PCDHGA11: variants seen among roughly 807,000 people sequenced by gnomAD.
PCDHGA11 encodes protocadherin gamma subfamily A, 11.
A neutral mutation model predicts 60.4 loss-of-function variants in PCDHGA11; 39 were observed. The ratio of observed to expected loss-of-function variants is 0.65; its 90% CI spans 0.50 to 0.84. The LOEUF is 0.84. PCDHGA11 is among the 40% of genes least tolerant of loss of function. The pLI is 0.00. For missense variants in PCDHGA11, 1,165 were observed against 1,197.7 expected (o/e 0.97, Z 0.40); for synonymous variants, 533 against 510.3 (o/e 1.04, Z -0.60).
chr5:141,423,618 C>CT lies in PCDHGA11; in HGVS notation c.2392dup (p.Ser798PhefsTer9), dbSNP rs1300844043. On this transcript the variant is annotated frameshift_variant, in exon 1 of 4. Coordinates refer to ENST00000398587, the MANE Select transcript of PCDHGA11 (RefSeq NM_018914.3). LOFTEE classifies it high-confidence loss of function. ...GCGAGCCACTCTTGATAGCTGAAGA[C>CT]TCAGCTATCATTTTAGGCAAATGTG... The CT allele has an allele frequency of 1.9e-6, 3 of 1,608,282 alleles. No homozygotes were observed. Among genetic ancestry groups the CT allele is most frequent in the Admixed American group, 1.7e-5 (1 of 59,520 alleles).
chr5:141,438,319 T>C (rs934592523), intron 1 of PCDHGA11, among the ~76,000 whole-genome samples: 1 of 151,982 alleles, frequency 6.6e-6, no homozygotes, highest in African/African-American at 2.4e-5. Flanking sequence ...CACCATAATT[T>C]TTCTTATACA....
chr5:141,438,627 TATATATATACAC>T (rs1324653166), intron 1 of PCDHGA11, among the ~76,000 whole-genome samples: 191 of 47,978 alleles, frequency 4.0e-3, no homozygotes, highest in African/African-American at 0.016. Flanking sequence ...TATATATATA[TATATATATACAC>T]ACACACACAC....
intron 3 of PCDHGA11, 99 bp from the exon 4 acceptor site, chr5:141,510,848 G>A: frequency 6.3e-7 from 1 of 1,596,080 alleles, no homozygotes. Flanking sequence ...TCAAGGCCCA[G>A]GGTGCTGTAT....
At chr5:141,429,796 A>C (rs2097245618) in intron 1 of PCDHGA11, among the ~76,000 whole-genome samples, 1 of 152,216 alleles carries the variant, frequency 6.6e-6, no homozygotes, top group Non-Finnish European at 1.5e-5. Flanking sequence ...ATTACCAGTA[A>C]TTCTCAGTAA....
rs1054594374 is a variant in PCDHGA11 at position 141,489,607 on chromosome 5, A to G, written c.2434-5200A>G. On this transcript the variant is annotated intron_variant, in intron 1 of 3. Coordinates refer to ENST00000398587, the MANE Select transcript of PCDHGA11 (RefSeq NM_018914.3). This position sits in a 1 kb window ranked among gnomAD's most constrained non-coding sequence, Gnocchi z 4.5. ...GGAGCTAATCCGTGTAGAGGTAGAG[A>G]TCCTGGATCTCAATGACAACTCTCC... The G allele has an allele frequency of 6.2e-6, 10 of 1,613,850 alleles. No homozygotes were observed. The highest frequency in any genetic ancestry group is 8.5e-6 in the Non-Finnish European group (10 of 1,179,956).
At chr5:141,461,441 T>A (rs959248029) in intron 1 of PCDHGA11, among the ~76,000 whole-genome samples, 7 of 152,194 alleles carry the variant, frequency 4.6e-5, no homozygotes, top group Admixed American at 4.6e-4. Flanking sequence ...TACCTTCTTT[T>A]GAGAAATGGC....
chr5:141,461,560 T>G (rs1355320881), intron 1 of PCDHGA11, among the ~76,000 whole-genome samples: 1 of 152,234 alleles, frequency 6.6e-6, no homozygotes, highest in African/African-American at 2.4e-5. Context: ...ATGTGTACTT[T>G]GCAAAGATAA....
intron 1 of PCDHGA11, among the ~76,000 whole-genome samples, chr5:141,461,739 C>T (rs1048636018): frequency 3.9e-5 from 6 of 152,134 alleles, no homozygotes; most frequent in Non-Finnish European, 7.4e-5. Context: ...GGCACAATCC[C>T]GGCTCCCAGA....
At position 141,486,230 on chromosome 5, in the gene PCDHGA11, A is replaced by G. The variant is rs1463946178; in HGVS notation, c.2434-8577A>G. ...TGACAATGCCCCTTACATCACAGTG[A>G]CCTCAGAGCTTGGAACCCTCCCCGA... On this transcript the variant is annotated intron_variant, in intron 1 of 3. Coordinates refer to ENST00000398587, the MANE Select transcript of PCDHGA11 (RefSeq NM_018914.3). This position sits in a 1 kb window ranked among gnomAD's most constrained non-coding sequence, Gnocchi z 5.0. 2 of 1,613,898 alleles carry G rather than the reference A, an allele frequency of 1.2e-6. No individual in the cohort carries two copies. The highest frequency in any genetic ancestry group is 2.2e-5 in the East Asian group (1 of 44,878).
chr5:141,444,240 C>T (rs1017550385), intron 1 of PCDHGA11, among the ~76,000 whole-genome samples: 4 of 128,690 alleles, frequency 3.1e-5, no homozygotes, highest in African/African-American at 5.9e-5. Context: ...GGCATGCTCT[C>T]GGCTCACTGC....
At chr5:141,454,471 A>C (rs774315258) in intron 1 of PCDHGA11, among the ~76,000 whole-genome samples, 7 of 152,198 alleles carry the variant, frequency 4.6e-5, no homozygotes, top group Non-Finnish European at 7.3e-5. Context: ...CAATGGCATG[A>C]TCTCAGCTCA....
Position 141,483,626 on chromosome 5 carries a change from G to A in PCDHGA11, c.2434-11181G>A, listed in dbSNP as rs112905417. On this transcript the variant is annotated intron_variant, in intron 1 of 3. Coordinates refer to ENST00000398587, the MANE Select transcript of PCDHGA11 (RefSeq NM_018914.3). ...TTACACCTCCATCATTCCCATGGGA[G>A]AAGGTATAGAGGGGTGTGTGTTTGT... Among the ~76,000 whole-genome samples the A allele has an allele frequency of 6.0e-4, 90 of 150,886 alleles. 1 individual carries two copies. The highest frequency in any genetic ancestry group is 1.7e-3 in the African/African-American group (69 of 40,378).
chr5:141,492,386 G>C (rs1343104703), intron 1 of PCDHGA11, among the ~76,000 whole-genome samples: 1 of 152,202 alleles, frequency 6.6e-6, no homozygotes, highest in African/African-American at 2.4e-5. Context: ...GCCTGTTCCG[G>C]TCCACTCGCA....
chr5:141,430,750 G>A (rs746434313), intron 1 of PCDHGA11: 2 of 1,500,586 alleles, frequency 1.3e-6, no homozygotes, highest in Non-Finnish European at 1.8e-6. Context: ...AATTCTGGAG[G>A]AAGATAAGAA....
intron 1 of PCDHGA11, 108 bp from the exon 2 acceptor site, chr5:141,494,699 T>G: frequency 6.3e-7 from 1 of 1,592,240 alleles, no homozygotes; most frequent in East Asian, 2.3e-5. Context: ...GTCCGTTTTC[T>G]TCTCTGTGCC....
chr5:141,507,735 C>T (rs942364858), intron 3 of PCDHGA11, among the ~76,000 whole-genome samples: 3 of 152,268 alleles, frequency 2.0e-5, no homozygotes, highest in Non-Finnish European at 2.9e-5. Flanking sequence ...TCATGCAGCT[C>T]GTTCCCCTGT....
intron 1 of PCDHGA11, among the ~76,000 whole-genome samples, chr5:141,445,077 T>C (rs778919022): frequency 5.9e-5 from 9 of 152,242 alleles, no homozygotes; most frequent in Non-Finnish European, 1.2e-4. Flanking sequence ...CTCATTAAAT[T>C]GTCCCTACAT....
In PCDHGA11 at chr5:141,493,307, AAG is replaced by A. The variant is rs2099747490; in HGVS notation, c.2434-1494_2434-1493del. Among the ~76,000 whole-genome samples, 1 of 152,234 alleles carries A rather than the reference AAG, an allele frequency of 6.6e-6. No homozygotes were observed. Among genetic ancestry groups the A allele is most frequent in the South Asian group, 2.1e-4 (1 of 4,832 alleles). ...ACTTGCTCAAGTTCACAGAGCAAGT[AAG>A]AGAGATTCTAACCCCTGTCTAACTC... On this transcript the variant is annotated intron_variant, in intron 1 of 3. Transcript: ENST00000398587. This position sits in a 1 kb window ranked among gnomAD's most constrained non-coding sequence, Gnocchi z 4.3.
intron 1 of PCDHGA11, chr5:141,424,187 A>C (rs2096804354): frequency 5.3e-6 from 1 of 188,948 alleles, no homozygotes; most frequent in African/African-American, 2.4e-5. Context: ...ACATGCACAC[A>C]CACTTATACA....
Sources: gnomAD v4.1 joint callset for allele counts (sites outside exome capture counted in the v4.1 genomes callset) on GRCh38, gnomAD v4.1.1 for gene constraint, Gnocchi (gnomAD v3.1) non-coding constraint, MANE v1.5 for transcripts, NCBI Gene and HGNC (gene_info 2026-07-23, HGNC 2026-07-21) for gene names.